Variants in AKAP7 observed in about 807,000 individuals in gnomAD.
AKAP7 encodes the protein A kinase (PRKA) anchor protein 7.
A neutral mutation model predicts 39.5 loss-of-function variants in AKAP7; 39 were observed. The ratio of observed to expected loss-of-function variants is 0.99; its 90% CI spans 0.76 to 1.29. AKAP7 has a LOEUF of 1.29. Ranked by LOEUF, AKAP7 falls within the 50% of genes most tolerant of loss-of-function variation. The pLI is 0.00. For missense variants in AKAP7, 414 were observed against 407.7 expected, an observed-to-expected ratio of 1.02 and a Z score of -0.13; for synonymous variants, 140 against 139.1, an observed-to-expected ratio of 1.01 and a Z score of -0.05.
In AKAP7 at chr6:131,199,947, C is replaced by G. The variant is rs145212567; in HGVS notation, c.702+374C>G. ...CAAAGCTTCCTCTGCTGGCCTGTTA[C>G]GCTGGTGCTGCTCACCGCAACTGGG... On this transcript the variant is annotated intron_variant, in intron 6 of 7. Transcript: ENST00000431975. 3.0e-4 allele frequency: 68 copies of G among 230,090 alleles called. No individual in the cohort carries two copies. In the East Asian group the frequency reaches 8.4e-3, roughly 28 times the overall value. The allele number at this position is 230,090 out of a possible 1,614,324, so 14.3% of individuals were successfully genotyped here. A position where few individuals can be genotyped will look rare whatever the true frequency, so the allele number is the denominator to read the frequency against.
At chr6:131,199,657 T>A in intron 6 of AKAP7, 84 bp downstream of exon 6, 1 of 1,121,304 alleles carries the variant, frequency 8.9e-7, no homozygotes, top group Non-Finnish European at 1.3e-6. Context: ...GACATTGCTG[T>A]GGTCTCTGAC....
intron 7 of AKAP7, among the ~76,000 whole-genome samples, chr6:131,276,829 G>A (rs143678649): frequency 6.6e-6 from 1 of 152,020 alleles, no homozygotes; most frequent in East Asian, 1.9e-4. Context: ...TTCTTTTCAG[G>A]ACAAATAGGC....
At position 131,174,532 on chromosome 6, in the gene AKAP7, A is replaced by G. The variant is rs113546027; in HGVS notation, c.589+5259A>G. On this transcript the variant is annotated intron_variant, in intron 5 of 7. Transcript: ENST00000431975. ...CACTTGAGCTCAGGGCCTGGAGGTT[A>G]CAGTGAGCCATGATTGTGCCACTAC... Among the ~76,000 whole-genome samples the G allele has an allele frequency of 5.1e-3, 773 of 152,370 alleles. 8 individuals are homozygous for G. Among genetic ancestry groups the G allele is most frequent in the African/African-American group, 0.018 (730 of 41,592 alleles).
chr6:131,190,854 G>A (rs563783675), intron 5 of AKAP7, among the ~76,000 whole-genome samples: 2 of 152,084 alleles, frequency 1.3e-5, no homozygotes, highest in East Asian at 3.9e-4. Flanking sequence ...TTTTTTTGAT[G>A]TTGATTGGGA....
In AKAP7 at chr6:131,135,564, A is replaced by G. The variant is rs1800462138; in HGVS notation, c.-200A>G. On this transcript the variant is annotated 5_prime_UTR_variant, in exon 1 of 8. Coordinates refer to ENST00000431975, the MANE Select transcript of AKAP7 (RefSeq NM_016377.4). ...CTGCCGCGGGGGCTGCGGCTTGGGAAGCTCCGCGCTTCCGCAGGCCTGGCC... is the reference window on the plus strand; with the variant it reads ...CTGCCGCGGGGGCTGCGGCTTGGGAGGCTCCGCGCTTCCGCAGGCCTGGCC... 1 of 240,346 alleles carries G rather than the reference A, an allele frequency of 4.2e-6. No individual in the cohort carries two copies. Among genetic ancestry groups the G allele is most frequent in the Non-Finnish European group, 6.7e-6 (1 of 149,138 alleles). 14.9% of individuals were successfully genotyped at this position (240,346 alleles called of 1,614,324 possible).
At chr6:131,238,400 G>A (rs1811262137) in intron 7 of AKAP7, among the ~76,000 whole-genome samples, 1 of 152,318 alleles carries the variant, frequency 6.6e-6, no homozygotes, top group South Asian at 2.1e-4. Flanking sequence ...GGGGTAGAGA[G>A]TTCTGTAGAT....
At chr6:131,242,040 G>T (rs1281374252) in intron 7 of AKAP7, 10 of 978,844 alleles carry the variant, frequency 1.0e-5, no homozygotes, top group Non-Finnish European at 1.2e-5. Flanking sequence ...TTAACCCACA[G>T]GGATCCTTTG....
At chr6:131,168,407 G>C (rs904440585) in intron 4 of AKAP7, among the ~76,000 whole-genome samples, 1 of 150,646 alleles carries the variant, frequency 6.6e-6, no homozygotes, top group Non-Finnish European at 1.5e-5. Flanking sequence ...GAACCTGTCT[G>C]AAAAAAAGAA....
chr6:131,242,183 A>G, intron 7 of AKAP7: 1 of 984,656 alleles, frequency 1.0e-6, no homozygotes, highest in Non-Finnish European at 1.2e-6. Context: ...GTAATGATTC[A>G]GGTGAGTATT....
chr6:131,207,491 A>ATTTTTTTTTT lies in AKAP7; in HGVS notation c.702+7935_702+7944dup, dbSNP rs531582478. 2.2e-3 allele frequency among the ~76,000 whole-genome samples: 174 copies of ATTTTTTTTTT among 78,786 alleles called. 13 individuals carry two copies. Among genetic ancestry groups the ATTTTTTTTTT allele is most frequent in the African/African-American group, 6.9e-3 (138 of 20,136 alleles). 51.7% of individuals were successfully genotyped at this position (78,786 alleles called of 152,430 possible). A position where few individuals can be genotyped will look rare whatever the true frequency, so the allele number is the denominator to read the frequency against. ...TGCACACCATGCCTGGCTAATTAAA[A>ATTTTTTTTTT]TTTTTTTTTTTTTTTTTTTTTTTTT... On this transcript the variant is annotated intron_variant, in intron 6 of 7. Transcript: ENST00000431975.
chr6:131,257,837 A>G (rs1275203671), intron 7 of AKAP7, among the ~76,000 whole-genome samples: 1 of 152,178 alleles, frequency 6.6e-6, no homozygotes, highest in Non-Finnish European at 1.5e-5. Context: ...GACCTTCTGC[A>G]CTACATGAAG....
chr6:131,208,047 CTT>C, intron 6 of AKAP7, among the ~76,000 whole-genome samples: 1 of 152,226 alleles, frequency 6.6e-6, no homozygotes, highest in East Asian at 1.9e-4. Context: ...CAGCAAATCT[CTT>C]TGTTTTAATG....
intron 2 of AKAP7, among the ~76,000 whole-genome samples, chr6:131,147,890 G>A (rs1801603664): frequency 6.6e-6 from 1 of 152,208 alleles, no homozygotes; most frequent in Non-Finnish European, 1.5e-5. Context: ...TAATGTATAT[G>A]AACACATAGC....
At chr6:131,271,496 T>C (rs1814275903) in intron 7 of AKAP7, among the ~76,000 whole-genome samples, 1 of 152,174 alleles carries the variant, frequency 6.6e-6, no homozygotes, top group Non-Finnish European at 1.5e-5. Context: ...AGTCTTCTAA[T>C]CATGTTCTTC....
At chr6:131,141,441 G>A in intron 1 of AKAP7, among the ~76,000 whole-genome samples, 1 of 152,104 alleles carries the variant, frequency 6.6e-6, no homozygotes. Flanking sequence ...GCAGAACTCT[G>A]GGCCAAATAA....
intron 6 of AKAP7, among the ~76,000 whole-genome samples, chr6:131,209,646 A>G (rs1184751817): frequency 6.6e-6 from 1 of 152,190 alleles, no homozygotes; most frequent in Admixed American, 6.5e-5. Context: ...TTAAAATTGC[A>G]TGTGTTTGCC....
At chr6:131,130,143 C>T in the AKAP7 span, among the ~76,000 whole-genome samples, 3 of 152,172 alleles carry the variant, frequency 2.0e-5, no homozygotes. Context: ...ATTATTTCAG[C>T]AATCATTGTA....
chr6:131,159,987 C>A, intron 2 of AKAP7, 72 bp from the exon 3 acceptor site: 2 of 1,326,482 alleles, frequency 1.5e-6, no homozygotes, highest in South Asian at 3.1e-5. Flanking sequence ...TTATATATTG[C>A]TTGTTTTTTT....
In AKAP7 at chr6:131,145,374, G is replaced by C; in HGVS notation, c.109G>C (p.Asp37His). 6.4e-7 allele frequency: 1 copy of C among 1,567,508 alleles called. No individual in the cohort carries two copies. Among genetic ancestry groups the C allele is most frequent in the South Asian group, 1.2e-5 (1 of 81,572 alleles). The change falls in exon 2 of 8, where the codon GAC becomes CAC. Residue 37 changes from aspartate (D) to histidine (H), a missense_variant. Physicochemically the swap from Asp to His is moderately conservative, Grantham distance 81 (BLOSUM62 -1). Transcript: ENST00000431975. ...AGCCAATACTATGGATTCTCTGGTA[G>C]ACATGCCATTTGCTACTGTAGATAT... Reference protein sequence around the residue: ...FEANTMDSLVDMPFATVDIQD... With the variant: ...FEANTMDSLVHMPFATVDIQD...
Sources: gnomAD v4.1 joint callset for allele counts (sites outside exome capture counted in the v4.1 genomes callset) on GRCh38, gnomAD v4.1.1 for gene constraint, MANE v1.5 for transcripts, NCBI Gene and HGNC (gene_info 2026-07-23, HGNC 2026-07-21) for gene names.